Variants in VAV2 observed in about 807,000 individuals in gnomAD.
VAV2 encodes the protein guanine nucleotide exchange factor VAV2.
Under a neutral mutation model 132.5 loss-of-function variants are expected in VAV2, and 67 were observed. The ratio of observed to expected loss-of-function variants is 0.51; its 90% CI spans 0.42 to 0.62. The LOEUF (loss-of-function observed/expected upper bound fraction) is 0.62, where lower values mean the gene tolerates loss of function less well. Ranked by LOEUF, VAV2 falls within the 20% of genes least tolerant of loss-of-function variation. The probability of loss-of-function intolerance (pLI) is 0.00; values close to 1 mark genes in which losing one functional copy is unlikely to be tolerated. For missense variants in VAV2, 938 were observed against 1,153.6 expected (o/e 0.81, Z 2.71); for synonymous variants, 492 against 443.5 (o/e 1.11, Z -1.37).
intron 4 of VAV2, among the ~76,000 whole-genome samples, chr9:133,828,629 G>A (rs1379216027): frequency 6.6e-6 from 1 of 152,258 alleles, no homozygotes; most frequent in Non-Finnish European, 1.5e-5. Context: ...CACCAAGTTG[G>A]GGTCACAGCA....
chr9:133,955,412 C>T (rs1841723378), intron 1 of VAV2, among the ~76,000 whole-genome samples: 1 of 131,542 alleles, frequency 7.6e-6, no homozygotes, highest in Non-Finnish European at 1.6e-5. Flanking sequence ...TCCCCACACT[C>T]CTCCCCACCC....
chr9:133,779,990 T>G lies in VAV2; in HGVS notation c.1741-51A>C, dbSNP rs1191137813. The G allele has an allele frequency of 2.5e-6, 4 of 1,609,068 alleles. No individual in the cohort carries two copies. In the East Asian group the frequency reaches 8.9e-5, roughly 36 times the overall value. ...AGATGAGGGAAGGCTGCTCTTTGACTGTGGCCCATGCATCAACGCACCCCG... is the reference window on the plus strand; with the variant it reads ...AGATGAGGGAAGGCTGCTCTTTGACGGTGGCCCATGCATCAACGCACCCCG... On this transcript the variant is annotated intron_variant, in intron 20 of 29. Coordinates refer to ENST00000371850, the MANE Select transcript of VAV2 (RefSeq NM_001134398.2).
At chr9:133,962,451 T>C (rs1444995357) in intron 1 of VAV2, among the ~76,000 whole-genome samples, 1 of 152,078 alleles carries the variant, frequency 6.6e-6, no homozygotes, top group Non-Finnish European at 1.5e-5. Flanking sequence ...AGAGAGGAGC[T>C]GGTGGGAGGA....
chr9:133,934,495 C>G (rs759576183), intron 2 of VAV2, among the ~76,000 whole-genome samples: 2 of 152,144 alleles, frequency 1.3e-5, no homozygotes, highest in Non-Finnish European at 2.9e-5. Flanking sequence ...TTCCTGTGGG[C>G]GGCACCATCC....
intron 1 of VAV2, among the ~76,000 whole-genome samples, chr9:133,941,146 G>A (rs962455064): frequency 1.4e-4 from 22 of 152,126 alleles, no homozygotes; most frequent in Non-Finnish European, 5.9e-5. Flanking sequence ...AGCAGCTCAC[G>A]CCTGTAATCC....
intron 9 of VAV2, among the ~76,000 whole-genome samples, chr9:133,801,838 C>G (rs949166696): frequency 2.0e-5 from 3 of 152,160 alleles, no homozygotes; most frequent in Non-Finnish European, 2.9e-5. Flanking sequence ...ACACCCGGGG[C>G]CTCCAGCAGC....
chr9:133,842,445 C>T (rs1472035186), intron 3 of VAV2, among the ~76,000 whole-genome samples: 1 of 152,240 alleles, frequency 6.6e-6, no homozygotes, highest in Non-Finnish European at 1.5e-5. Context: ...GGAGCGCCCT[C>T]GGCCTCTGAG....
chr9:133,845,765 A>T (rs975823694), intron 3 of VAV2, among the ~76,000 whole-genome samples: 5 of 152,208 alleles, frequency 3.3e-5, no homozygotes, highest in African/African-American at 4.8e-5. Context: ...GTCCACTGGG[A>T]TGGACACACT....
intron 9 of VAV2, among the ~76,000 whole-genome samples, chr9:133,799,970 C>A (rs1027064853): frequency 3.3e-5 from 5 of 152,158 alleles, no homozygotes; most frequent in Non-Finnish European, 4.4e-5. Flanking sequence ...CAGAGCCATG[C>A]GCAGAAGACA....
intron 2 of VAV2, among the ~76,000 whole-genome samples, chr9:133,895,654 T>C (rs922334498): frequency 6.6e-6 from 1 of 151,898 alleles, no homozygotes; most frequent in Non-Finnish European, 1.5e-5. Context: ...TTGGGGGGGA[T>C]GAGGAGTTAC....
At chr9:133,908,297 A>G (rs1839749176) in intron 2 of VAV2, among the ~76,000 whole-genome samples, 1 of 152,060 alleles carries the variant, frequency 6.6e-6, no homozygotes, top group Non-Finnish European at 1.5e-5. Flanking sequence ...AGGAAAAGAC[A>G]GAGGGAAAAT....
At chr9:133,848,989 T>C (rs1277362812) in intron 3 of VAV2, among the ~76,000 whole-genome samples, 3 of 152,224 alleles carry the variant, frequency 2.0e-5, no homozygotes, top group African/African-American at 7.2e-5. Context: ...CAAAACATGA[T>C]GTGTCTTTTC....
In VAV2 at chr9:133,797,791, C is replaced by A. The variant is rs756227922; in HGVS notation, c.855G>T (p.Glu285Asp). The A allele has an allele frequency of 6.2e-7, 1 of 1,614,030 alleles. No individual in the cohort carries two copies. Among genetic ancestry groups the A allele is most frequent in the Non-Finnish European group, 8.5e-7 (1 of 1,179,928 alleles). ...GGGCGTGCTCCATGTGGCTGCAGTA[C>A]TCCCCGTAGATCAGAAGCCTGGACG... is the stretch of plus-strand genomic sequence containing the variant. Reference protein sequence around the residue: ...DFKERLLIYGEYCSHMEHAQN... With the variant: ...DFKERLLIYGDYCSHMEHAQN... The change falls in exon 10 of 30, where the codon GAG becomes GAT. Residue 285 changes from glutamate (E) to aspartate (D), a missense_variant. Physicochemically the swap from Glu to Asp is conservative, Grantham distance 45. Transcript: ENST00000371850.
intron 3 of VAV2, among the ~76,000 whole-genome samples, chr9:133,852,039 G>T (rs1179488): frequency 0.99 from 150,651 of 151,786 alleles, 74,760 homozygotes; most frequent in East Asian, 1. Context: ...TGTATGGATG[G>T]ATGGATGTAT....
intron 17 of VAV2, among the ~76,000 whole-genome samples, chr9:133,785,170 C>G (rs556203012): frequency 4.6e-4 from 70 of 152,280 alleles, no homozygotes; most frequent in African/African-American, 1.6e-3. Flanking sequence ...CTTCCCCTCT[C>G]CATTTCACCA....
At chr9:133,855,492 G>A (rs1349111175) in intron 3 of VAV2, among the ~76,000 whole-genome samples, 2 of 152,224 alleles carry the variant, frequency 1.3e-5, no homozygotes, top group East Asian at 1.9e-4. Context: ...GCCACTGCAG[G>A]AGCAGAGGCT....
At chr9:133,820,793 T>C (rs2502752) in intron 4 of VAV2, among the ~76,000 whole-genome samples, 36,490 of 152,100 alleles carry the variant, frequency 0.24, 5,913 homozygotes, top group African/African-American at 0.45. Flanking sequence ...AGGGGTATAC[T>C]ATGAGACCCA....
At chr9:133,891,818 A>AGGGGAGGGAGGGG (rs1838982859) in intron 2 of VAV2, among the ~76,000 whole-genome samples, 1 of 8,062 alleles carries the variant, frequency 1.2e-4, no homozygotes, top group East Asian at 5.2e-3. Flanking sequence ...AGAGGGATGG[A>AGGGGAGGGAGGGG]GGGGGATGGA....
At chr9:133,846,604 T>C (rs1165729917) in intron 3 of VAV2, among the ~76,000 whole-genome samples, 1 of 140,882 alleles carries the variant, frequency 7.1e-6, no homozygotes, top group East Asian at 2.1e-4. Context: ...CGCCAAGCAG[T>C]TCCCCAGGGC....
Sources: gnomAD v4.1 joint callset for allele counts (sites outside exome capture counted in the v4.1 genomes callset) on GRCh38, gnomAD v4.1.1 for gene constraint, MANE v1.5 for transcripts, NCBI Gene and HGNC (gene_info 2026-07-23, HGNC 2026-07-21) for gene names.